The following ZMYM5 variants were observed in gnomAD, a reference collection of about 807,000 sequenced individuals.
The protein encoded by ZMYM5 is zinc finger MYM-type protein 5.
Under a neutral mutation model 61.8 loss-of-function variants are expected in ZMYM5, and 41 were observed. The observed-to-expected ratio is 0.66, with a 90% CI of 0.52 to 0.86. The LOEUF (loss-of-function observed/expected upper bound fraction) is 0.86, where lower values mean the gene tolerates loss of function less well. ZMYM5 is among the 40% of genes least tolerant of loss of function. The pLI is 0.00. For synonymous variants in ZMYM5, 257 were observed against 276.4 expected (o/e 0.93, Z 0.70); for missense variants, 706 against 786.7 (o/e 0.90, Z 1.23).
At chr13:19,833,902 A>G (rs868653107) in intron 7 of ZMYM5, among the ~76,000 whole-genome samples, 2 of 152,336 alleles carry the variant, frequency 1.3e-5, no homozygotes, top group Middle Eastern at 6.8e-3. Flanking sequence ...TACTTTGGGA[A>G]GCTGAGGTGG....
chr13:19,832,480 C>A (rs1891279382), intron 7 of ZMYM5, among the ~76,000 whole-genome samples: 1 of 151,690 alleles, frequency 6.6e-6, no homozygotes, highest in Non-Finnish European at 1.5e-5. Context: ...GCACACAACA[C>A]CACGCCTGCC....
chr13:19,851,364 G>C lies in ZMYM5; in HGVS notation c.577C>G (p.His193Asp), dbSNP rs766469276. The change falls in exon 4 of 8, where the codon CAT becomes GAT. Residue 193 changes from histidine to aspartate, a missense_variant. By Grantham distance (81) the His-to-Asp change is moderately conservative (BLOSUM62 -1). This residue lies in a region of ZMYM5 where 480 missense variants were observed against 461.7 expected (regional missense o/e 1.04). Coordinates refer to ENST00000337963, the MANE Select transcript of ZMYM5 (RefSeq NM_001142684.2). ...ATCACTTACTGCTTACCAGGACTAT[G>C]ATGAGTTGCAAATTCTCCATTCTGA... The part of the protein sequence containing the change: ...LFQNGEFATH[H>D]SPDSWISQSA... The C allele has an allele frequency of 8.7e-6, 14 of 1,613,752 alleles. No individual in the cohort carries two copies. The African/African-American group carries it at 1.1e-4, about 12-fold the overall frequency.
rs1474564774 is a variant in ZMYM5 at position 19,851,356 on chromosome 13, A to C, written c.585T>G (p.Pro195=). 4 of 1,613,408 alleles carry C rather than the reference A, an allele frequency of 2.5e-6. No homozygotes were observed. In the East Asian group the frequency reaches 8.9e-5, roughly 36 times the overall value. Residue 195 remains proline (P), a splice_region_variant and synonymous_variant, in exon 4 of 8, where the codon CCT becomes CCG. Transcript: ENST00000337963. ...QNGEFATHHS[P]DSWISQSASF... ...GAAACAGTATCACTTACTGCTTACC[A>C]GGACTATGATGAGTTGCAAATTCTC...
intron 4 of ZMYM5, among the ~76,000 whole-genome samples, chr13:19,845,404 T>C (rs1229710724): frequency 6.6e-6 from 1 of 152,172 alleles, no homozygotes; most frequent in Non-Finnish European, 1.5e-5. Flanking sequence ...TACTAGCAGT[T>C]TTCACTAGTA....
chr13:19,845,913 G>A (rs1593888441), intron 4 of ZMYM5, among the ~76,000 whole-genome samples: 1 of 152,132 alleles, frequency 6.6e-6, no homozygotes, highest in Non-Finnish European at 1.5e-5. Flanking sequence ...TTGGTCATAT[G>A]ACTGAACTCA....
At chr13:19,852,655 T>C (rs1226856333) in intron 2 of ZMYM5, among the ~76,000 whole-genome samples, 2 of 152,326 alleles carry the variant, frequency 1.3e-5, no homozygotes, top group South Asian at 4.1e-4. Context: ...TGCATCTTTT[T>C]TGTCCTTGTA....
chr13:19,825,699 A>G (rs1890879508), intron 7 of ZMYM5, among the ~76,000 whole-genome samples: 1 of 150,776 alleles, frequency 6.6e-6, no homozygotes, highest in African/African-American at 2.4e-5. Context: ...AAAGAAGAAG[A>G]AAAAAAAAGG....
At chr13:19,861,466 C>A (rs1953758218) in intron 2 of ZMYM5, among the ~76,000 whole-genome samples, 1 of 152,116 alleles carries the variant, frequency 6.6e-6, no homozygotes, top group African/African-American at 2.4e-5. Flanking sequence ...TACCTACCTA[C>A]CACATCCTGC....
intron 6 of ZMYM5, among the ~76,000 whole-genome samples, chr13:19,836,062 G>A (rs1218908432): frequency 6.6e-6 from 1 of 152,150 alleles, no homozygotes; most frequent in Non-Finnish European, 1.5e-5. Context: ...GACCTCAAGT[G>A]ATCTGCCCGC....
At chr13:19,831,239 A>G (rs1243350460) in intron 7 of ZMYM5, among the ~76,000 whole-genome samples, 6 of 149,646 alleles carry the variant, frequency 4.0e-5, no homozygotes, top group African/African-American at 1.5e-4. Context: ...CCATCCTTTC[A>G]CCTCAGGCTC....
chr13:19,847,821 T>TC (rs1323338711), intron 4 of ZMYM5, among the ~76,000 whole-genome samples: 2 of 141,596 alleles, frequency 1.4e-5, no homozygotes, highest in Non-Finnish European at 3.1e-5. Context: ...TTTTTTTTTT[T>TC]TTTTTTGTAT....
At position 19,835,693 on chromosome 13, in the gene ZMYM5, A is replaced by G. The variant is rs1952652944; in HGVS notation, c.1039-4T>C. 3 of 1,366,686 alleles carry G rather than the reference A, an allele frequency of 2.2e-6. No individual in the cohort carries two copies. Among genetic ancestry groups the G allele is most frequent in the Non-Finnish European group, 2.9e-6 (3 of 1,021,432 alleles). The allele number at this position is 1,366,686 out of a possible 1,614,324, so 84.7% of individuals were successfully genotyped here. A position where few individuals can be genotyped will look rare whatever the true frequency, so the allele number is the denominator to read the frequency against. On this transcript the variant is annotated splice_region_variant and splice_polypyrimidine_tract_variant and intron_variant, in intron 6 of 7. Transcript: ENST00000337963. ...TTACGCTGACTTCATGGCGAATCTA[A>G]AAGAAAAACCAGAATTCATTAACTA...
chr13:19,848,404 C>T (rs957312719), intron 4 of ZMYM5, among the ~76,000 whole-genome samples: 9 of 151,994 alleles, frequency 5.9e-5, no homozygotes, highest in African/African-American at 1.4e-4. Flanking sequence ...CCTCAGCCTA[C>T]GAAAAGTGCT....
chr13:19,843,518 G>C (rs1952960199), intron 4 of ZMYM5: 2 of 151,360 alleles, frequency 1.3e-5, no homozygotes, highest in African/African-American at 4.9e-5. Context: ...ATGTAAGAAA[G>C]TATTATAAAA....
rs575454347 is a variant in ZMYM5, at chr13:19,835,839, T to C, written c.1039-150A>G. On this transcript the variant is annotated intron_variant, in intron 6 of 7. Coordinates refer to ENST00000337963, the MANE Select transcript of ZMYM5 (RefSeq NM_001142684.2). Reference sequence around the variant, plus strand: ...CCCAGGGAAAAGATTTTTTTTTTTTTCTGAGATAGAGTCTCACTCTGTCAC... The same window carrying C: ...CCCAGGGAAAAGATTTTTTTTTTTTCCTGAGATAGAGTCTCACTCTGTCAC... 1.6e-4 allele frequency: 77 copies of C among 487,910 alleles called. 1 individual carries two copies. The East Asian group carries it at 4.9e-3, about 31-fold the overall frequency. The allele number at this position is 487,910 out of a possible 1,614,324, so 30.2% of individuals were successfully genotyped here.
At chr13:19,830,678 T>C (rs1891160363) in intron 7 of ZMYM5, among the ~76,000 whole-genome samples, 1 of 151,182 alleles carries the variant, frequency 6.6e-6, no homozygotes, top group Admixed American at 6.6e-5. Flanking sequence ...GGACTACAGG[T>C]ATGTGTCACC....
chr13:19,849,631 C>T (rs1953209511), intron 4 of ZMYM5, among the ~76,000 whole-genome samples: 2 of 151,884 alleles, frequency 1.3e-5, no homozygotes, highest in Non-Finnish European at 2.9e-5. Flanking sequence ...TCTAAATATT[C>T]TATAATAATC....
At chr13:19,859,749 T>C (rs914679373) in intron 2 of ZMYM5, among the ~76,000 whole-genome samples, 9 of 151,800 alleles carry the variant, frequency 5.9e-5, no homozygotes, top group Admixed American at 3.9e-4. Flanking sequence ...AGTCAAGAAT[T>C]ATGCAATATA....
In ZMYM5 at chr13:19,835,512, ATCTC is replaced by A. The variant is rs752655660; in HGVS notation, c.1212_1215del (p.Lys404AsnfsTer14). 1 of 1,367,678 alleles carries A rather than the reference ATCTC, an allele frequency of 7.3e-7. No homozygotes were observed. Among genetic ancestry groups the A allele is most frequent in the South Asian group, 1.1e-5 (1 of 88,044 alleles). 84.7% of individuals were successfully genotyped at this position (1,367,678 alleles called of 1,614,324 possible). On this transcript the variant is annotated frameshift_variant, in exon 7 of 8. Coordinates refer to ENST00000337963, the MANE Select transcript of ZMYM5 (RefSeq NM_001142684.2). LOFTEE classifies it high-confidence loss of function. ...TCGTTAATACAACTTTGGCAGCAAA[ATCTC>A]TTCTGCTGACCTCCAATCACCAGGA... is the stretch of plus-strand genomic sequence containing the variant.
Sources: allele counts gnomAD v4.1 joint callset (sites outside exome capture counted in the v4.1 genomes callset), GRCh38; gene constraint gnomAD v4.1.1; regional missense constraint gnomAD v4.1.1; transcripts MANE v1.5; gene names NCBI Gene and HGNC (gene_info 2026-07-23, HGNC 2026-07-21).